SVEP1: variants seen among roughly 807,000 people sequenced by gnomAD.
The protein encoded by SVEP1 is sushi, von Willebrand factor type A, EGF and pentraxin domain-containing protein 1.
A neutral mutation model predicts 367.3 loss-of-function variants in SVEP1; 164 were observed. The ratio of observed to expected loss-of-function variants is 0.45; its 90% confidence interval spans 0.39 to 0.51. The LOEUF is 0.51. SVEP1 is among the 20% of genes least tolerant of loss of function. SVEP1 has a pLI of 0.00. For synonymous variants in SVEP1, 1,666 were observed against 1,611.6 expected (o/e 1.03, Z -0.81); for missense variants, 4,117 against 4,425.3 (o/e 0.93, Z 1.98).
At position 110,481,231 on chromosome 9, in the gene SVEP1, T is replaced by C; in HGVS notation, c.2365+11A>G. On this transcript the variant is annotated intron_variant, in intron 12 of 47. Coordinates refer to ENST00000374469, the MANE Select transcript of SVEP1 (RefSeq NM_153366.4). ...CACATTAAAGAAGTCTAGAATAAAATTAAAACTTACTGGCACAGTCTGGCC... is the reference window on the plus strand; with the variant it reads ...CACATTAAAGAAGTCTAGAATAAAACTAAAACTTACTGGCACAGTCTGGCC... 6.6e-7 allele frequency: 1 copy of C among 1,512,462 alleles called. No individual in the cohort carries two copies. The highest frequency in any genetic ancestry group is 8.9e-7 in the Non-Finnish European group (1 of 1,125,826). The allele number at this position is 1,512,462 out of a possible 1,614,324, so 93.7% of individuals were successfully genotyped here.
chr9:110,474,762 A>G (rs954607086), intron 14 of SVEP1, among the ~76,000 whole-genome samples: 13 of 152,326 alleles, frequency 8.5e-5, no homozygotes, highest in Admixed American at 6.5e-4. Flanking sequence ...TGTACATAAT[A>G]GTAAACAACC....
intron 3 of SVEP1, among the ~76,000 whole-genome samples, chr9:110,545,122 T>C (rs1830202593): frequency 6.6e-6 from 1 of 152,214 alleles, no homozygotes; most frequent in Non-Finnish European, 1.5e-5. Context: ...CTGAGTAGTC[T>C]TCCATTGTGT....
intron 26 of SVEP1, among the ~76,000 whole-genome samples, chr9:110,444,499 T>C (rs1828560670): frequency 6.6e-6 from 1 of 152,202 alleles, no homozygotes; most frequent in Non-Finnish European, 1.5e-5. Flanking sequence ...CAGTTGCTCA[T>C]GTAGTCATAT....
chr9:110,384,856 C>T (rs1248741083), intron 43 of SVEP1, among the ~76,000 whole-genome samples: 1 of 152,222 alleles, frequency 6.6e-6, no homozygotes, highest in South Asian at 2.1e-4. Flanking sequence ...TACATTCTTA[C>T]ACTATGCAGC....
chr9:110,547,339 T>A lies in SVEP1; in HGVS notation c.788-1048A>T, dbSNP rs550906314. Among the ~76,000 whole-genome samples, 23 of 152,240 alleles carry A rather than the reference T, an allele frequency of 1.5e-4. No homozygotes were observed. In the South Asian group the frequency reaches 4.4e-3, roughly 29 times the overall value. On this transcript the variant is annotated intron_variant, in intron 2 of 47. Coordinates refer to ENST00000374469, the MANE Select transcript of SVEP1 (RefSeq NM_153366.4). ...CAGGTTTATTTGGCAGTAAAGCAAG[T>A]TAGGGAGCAAGGAAAACCTACTTGT...
intron 36 of SVEP1, among the ~76,000 whole-genome samples, chr9:110,424,579 C>G (rs1257614964): frequency 6.6e-6 from 1 of 152,108 alleles, no homozygotes; most frequent in Non-Finnish European, 1.5e-5. Context: ...AAATAGAGAT[C>G]TAAGGTAATG....
At chr9:110,404,886 C>T (rs1398909440) in intron 38 of SVEP1, among the ~76,000 whole-genome samples, 1 of 151,990 alleles carries the variant, frequency 6.6e-6, no homozygotes, top group Non-Finnish European at 1.5e-5. Flanking sequence ...ATTAGCTGGG[C>T]ACGGTGGCAC....
Position 110,406,798 on chromosome 9 carries a change from A to G in SVEP1, c.8802T>C (p.Asp2934=). The change falls in exon 38 of 48, where the codon GAT becomes GAC. Residue 2934 remains aspartate, a synonymous_variant. Transcript: ENST00000374469. ...HGAPKLTCQS[D]GNWDAEIPLC... ...GAGGAATCTCTGCATCCCAGTTGCC[A>G]TCTGACTGACAGGTGAGTTTTGGAG... 1 of 1,614,068 alleles carries G rather than the reference A, an allele frequency of 6.2e-7. No individual in the cohort carries two copies. The highest frequency in any genetic ancestry group is 8.5e-7 in the Non-Finnish European group (1 of 1,179,896).
In SVEP1 at chr9:110,400,232, T is replaced by C. The variant is rs141186742; in HGVS notation, c.9822+622A>G. Among the ~76,000 whole-genome samples, 136 of 152,360 alleles carry C rather than the reference T, an allele frequency of 8.9e-4. 1 individual carries two copies. Among genetic ancestry groups the C allele is most frequent in the African/African-American group, 3.2e-3 (131 of 41,576 alleles). On this transcript the variant is annotated intron_variant, in intron 40 of 47. Coordinates refer to ENST00000374469, the MANE Select transcript of SVEP1 (RefSeq NM_153366.4). The stretch of plus-strand genomic sequence containing the variant: ...CATGGTGACCGGTGGACTTCCCTGT[T>C]GCAGAATATGATTACCAGCAAGCCG...
chr9:110,401,815 C>T (rs1249136733), intron 39 of SVEP1, among the ~76,000 whole-genome samples: 1 of 151,762 alleles, frequency 6.6e-6, no homozygotes, highest in Non-Finnish European at 1.5e-5. Context: ...AGGTGAGGCA[C>T]ACACAGATAT....
At chr9:110,517,902 T>C (rs1278067379) in intron 3 of SVEP1, among the ~76,000 whole-genome samples, 2 of 151,930 alleles carry the variant, frequency 1.3e-5, no homozygotes, top group Non-Finnish European at 2.9e-5. Context: ...ACTAAAATAA[T>C]TGTGGAAATG....
intron 3 of SVEP1, among the ~76,000 whole-genome samples, chr9:110,517,049 T>C (rs1450238094): frequency 1.3e-5 from 2 of 152,204 alleles, no homozygotes; most frequent in Non-Finnish European, 2.9e-5. Context: ...CTGAATAAGA[T>C]ACATAGCTTT....
chr9:110,472,096 A>G, intron 15 of SVEP1, 63 bp downstream of exon 15: 1 of 1,466,668 alleles, frequency 6.8e-7, no homozygotes, highest in Non-Finnish European at 9.3e-7. Context: ...AGATTTGAGA[A>G]GCAGGTTTCC....
chr9:110,557,611 G>A lies in SVEP1; in HGVS notation c.532-7507C>T, dbSNP rs79760295. On this transcript the variant is annotated intron_variant, in intron 1 of 47. Coordinates refer to ENST00000374469, the MANE Select transcript of SVEP1 (RefSeq NM_153366.4). ...AAAATTTTCAAAGAAGCCAGATAGA[G>A]TTGTGGATTTTTATTCTGCTTTTTC... 4.6e-5 allele frequency among the ~76,000 whole-genome samples: 7 copies of A among 151,864 alleles called. No homozygotes were observed. In the East Asian group the frequency reaches 9.7e-4, roughly 21 times the overall value.
chr9:110,436,621 A>C, intron 27 of SVEP1, 117 bp from the exon 28 acceptor site: 1 of 1,409,646 alleles, frequency 7.1e-7, no homozygotes, highest in South Asian at 1.5e-5. Context: ...AAATTACTGA[A>C]AAGCAAAATT....
chr9:110,445,307 G>A (rs977455465), intron 26 of SVEP1, among the ~76,000 whole-genome samples: 3 of 152,136 alleles, frequency 2.0e-5, no homozygotes, highest in Non-Finnish European at 4.4e-5. Context: ...ATGGCGATGG[G>A]GCCCTGGAGT....
chr9:110,499,186 G>T lies in SVEP1; in HGVS notation c.1536C>A (p.His512Gln), dbSNP rs1335206315. Residue 512 changes from histidine to glutamine, a missense_variant, in exon 7 of 48, where the codon CAC (histidine) becomes CAA (glutamine). His to Gln is a conservative substitution (Grantham distance 24). This residue lies in a region of SVEP1 where 2,174 missense variants were observed against 2,494.3 expected (regional missense o/e 0.87). Coordinates refer to ENST00000374469, the MANE Select transcript of SVEP1 (RefSeq NM_153366.4). ...QMPKDVIISP[H>Q]NCGKQPAKFG... Reference sequence around the variant, plus strand: ...ATTTGGCTGGCTGCTTGCCACAGTTGTGGGGGGATATGATGACATCTTTGG... The same window carrying T: ...ATTTGGCTGGCTGCTTGCCACAGTTTTGGGGGGATATGATGACATCTTTGG... 4.3e-6 allele frequency: 7 copies of T among 1,613,616 alleles called. No individual in the cohort carries two copies. Among genetic ancestry groups the T allele is most frequent in the South Asian group, 3.3e-5 (3 of 91,016 alleles).
At position 110,481,429 on chromosome 9, in the gene SVEP1, G is replaced by C. The variant is rs1367083784; in HGVS notation, c.2178C>G (p.Pro726=). 6.4e-7 allele frequency: 1 copy of C among 1,573,374 alleles called. No homozygotes were observed. The highest frequency in any genetic ancestry group is 8.6e-7 in the Non-Finnish European group (1 of 1,159,252). Residue 726 remains proline (P), a synonymous_variant, in exon 12 of 48, where the codon CCC becomes CCG. Transcript: ENST00000374469. Reference sequence around the variant, plus strand: ...TTACAGGTGTGAATGGAATTTCACAGGGAGAACCTGTGTAAAAAAAATTGT... The same window carrying C: ...TTACAGGTGTGAATGGAATTTCACACGGAGAACCTGTGTAAAAAAAATTGT... The part of the protein sequence containing the change: ...CDIHIVIKGS[P]CEIPFTPVNG...
intron 20 of SVEP1, 90 bp from the exon 21 acceptor site, chr9:110,457,442 C>G (rs1588062902): frequency 8.1e-6 from 8 of 982,486 alleles, no homozygotes; most frequent in Non-Finnish European, 1.2e-5. Flanking sequence ...CAACATTAGA[C>G]AGCTCGTTCC....
Sources: allele counts gnomAD v4.1 joint callset (sites outside exome capture counted in the v4.1 genomes callset), GRCh38; gene constraint gnomAD v4.1.1; regional missense constraint gnomAD v4.1.1; transcripts MANE v1.5; gene names NCBI Gene and HGNC (gene_info 2026-07-23, HGNC 2026-07-21).